The following KIAA1217 variants were observed in gnomAD, a reference collection of about 807,000 sequenced individuals.
The protein encoded by KIAA1217 is sickle tail protein homolog.
Under a neutral mutation model 163.9 loss-of-function variants are expected in KIAA1217, and 88 were observed. The observed-to-expected ratio is 0.54, with a 90% CI of 0.45 to 0.64. The LOEUF (loss-of-function observed/expected upper bound fraction) is 0.64, where lower values mean the gene tolerates loss of function less well. Among genes scored for constraint, KIAA1217 ranks in the 30% least tolerant of loss-of-function variants. The pLI, the probability that KIAA1217 is intolerant of heterozygous loss-of-function variation, is 0.00. For missense variants in KIAA1217, 2,372 were observed against 2,475.0 expected (o/e 0.96, Z 0.88); for synonymous variants, 903 against 923.1 (o/e 0.98, Z 0.39).
At chr10:23,917,725 C>T (rs1413182120) in intron 1 of KIAA1217, among the ~76,000 whole-genome samples, 1 of 152,200 alleles carries the variant, frequency 6.6e-6, no homozygotes, top group East Asian at 1.9e-4. Flanking sequence ...ACAGCTGTCG[C>T]TGACAAATGG....
intron 1 of KIAA1217, among the ~76,000 whole-genome samples, chr10:23,869,519 C>G (rs1161734329): frequency 6.6e-6 from 1 of 152,012 alleles, no homozygotes; most frequent in African/African-American, 2.4e-5. Context: ...GACTTCTAAA[C>G]TGCATTATTT....
intron 5 of KIAA1217, among the ~76,000 whole-genome samples, chr10:24,464,765 G>A (rs573920334): frequency 9.2e-5 from 14 of 152,224 alleles, no homozygotes; most frequent in South Asian, 4.1e-4. Context: ...GATTACAGGC[G>A]TGAGCCACAT....
chr10:24,498,212 C>T (rs1054250177), intron 8 of KIAA1217, among the ~76,000 whole-genome samples: 4 of 151,936 alleles, frequency 2.6e-5, no homozygotes, highest in Non-Finnish European at 5.9e-5. Context: ...GAGAAGTGGA[C>T]CCAGGGACAC....
chr10:23,712,676 A>G (rs1837337046), intron 1 of KIAA1217, among the ~76,000 whole-genome samples: 1 of 152,038 alleles, frequency 6.6e-6, no homozygotes, highest in African/African-American at 2.4e-5. Context: ...TTTTCTTTTC[A>G]TAGAGCCTTT....
At chr10:24,545,384 AGTGTTTC>A in intron 20 of KIAA1217, 1 of 1,345,514 alleles carries the variant, frequency 7.4e-7, no homozygotes, top group Non-Finnish European at 9.5e-7. Context: ...TGGTGAATGT[AGTGTTTC>A]ATCTGAACAC....
chr10:24,413,375 T>C (rs1399143278), intron 3 of KIAA1217, among the ~76,000 whole-genome samples: 3 of 152,176 alleles, frequency 2.0e-5, no homozygotes, highest in Admixed American at 2.0e-4. Context: ...TTTCACCATA[T>C]TGGTCAGGCT....
intron 2 of KIAA1217, among the ~76,000 whole-genome samples, chr10:24,371,697 GT>G (rs1215636173): frequency 1.3e-5 from 2 of 152,108 alleles, no homozygotes; most frequent in Non-Finnish European, 2.9e-5. Context: ...CTAATGACAA[GT>G]TCTTAAACCT....
intron 2 of KIAA1217, among the ~76,000 whole-genome samples, chr10:24,076,453 T>C (rs1239511662): frequency 6.6e-6 from 1 of 152,222 alleles, no homozygotes; most frequent in Non-Finnish European, 1.5e-5. Flanking sequence ...AGCATAGCTA[T>C]CTAATCCTTT....
At chr10:23,830,869 T>A (rs1218126465) in intron 1 of KIAA1217, among the ~76,000 whole-genome samples, 1 of 151,508 alleles carries the variant, frequency 6.6e-6, no homozygotes, top group East Asian at 1.9e-4. Flanking sequence ...TATACCTGCT[T>A]AATGACCAGA....
At chr10:23,863,435 C>G (rs1056720190) in intron 1 of KIAA1217, among the ~76,000 whole-genome samples, 3 of 152,072 alleles carry the variant, frequency 2.0e-5, no homozygotes, top group African/African-American at 7.2e-5. Flanking sequence ...GAGATTAAGA[C>G]CCTTTCAAAA....
At chr10:24,361,257 G>A (rs1221068118) in intron 2 of KIAA1217, among the ~76,000 whole-genome samples, 1 of 152,010 alleles carries the variant, frequency 6.6e-6, no homozygotes, top group Non-Finnish European at 1.5e-5. Flanking sequence ...CGCAATCACA[G>A]GTCACTGAAG....
At chr10:24,523,882 G>A (rs752013555) in intron 12 of KIAA1217, among the ~76,000 whole-genome samples, 5 of 152,274 alleles carry the variant, frequency 3.3e-5, no homozygotes, top group Admixed American at 6.5e-5. Context: ...TGTACCTTGT[G>A]GCAAGACTTC....
chr10:24,045,334 T>C (rs1360600388), intron 2 of KIAA1217, among the ~76,000 whole-genome samples: 4 of 152,040 alleles, frequency 2.6e-5, no homozygotes, highest in Non-Finnish European at 5.9e-5. Flanking sequence ...GTATAGGTGT[T>C]TTATTCATTC....
chr10:24,524,796 A>T (rs765457006), intron 13 of KIAA1217, 32 bp downstream of exon 13: 4 of 1,525,092 alleles, frequency 2.6e-6, no homozygotes, highest in Non-Finnish European at 3.6e-6. Flanking sequence ...TCATAACCCC[A>T]TAAAGGAGTC....
chr10:24,194,554 C>T (rs1293600898), intron 2 of KIAA1217, among the ~76,000 whole-genome samples: 1 of 151,176 alleles, frequency 6.6e-6, no homozygotes, highest in Non-Finnish European at 1.5e-5. Flanking sequence ...TTGTCCTTAG[C>T]ACAGGCAGCC....
Position 24,319,375 on chromosome 10 carries a change from CAAAAAAAAAAAAAA to C in KIAA1217, c.355-61477_355-61464del, listed in dbSNP as rs34410717. 3.9e-4 allele frequency among the ~76,000 whole-genome samples: 18 copies of C among 45,834 alleles called. 1 individual carries two copies. The East Asian group carries it at 8.5e-3, about 22-fold the overall frequency. The allele number at this position is 45,834 out of a possible 152,430, so 30.1% of individuals were successfully genotyped here. A position where few individuals can be genotyped will look rare whatever the true frequency, so the allele number is the denominator to read the frequency against. ...TGGGTGACAGAGCGAGACGTTGTCT[CAAAAAAAAAAAAAA>C]AAAAAAAAAAAAAAAAGGCAGGGGA... On this transcript the variant is annotated intron_variant, in intron 2 of 20. Coordinates refer to ENST00000376454, the MANE Select transcript of KIAA1217 (RefSeq NM_019590.5).
chr10:24,066,301 T>C (rs2060943429), intron 2 of KIAA1217, among the ~76,000 whole-genome samples: 2 of 152,194 alleles, frequency 1.3e-5, no homozygotes, highest in African/African-American at 4.8e-5. Context: ...TTTCCATGTT[T>C]AGTGCTTCCT....
At chr10:23,719,255 T>G (rs893011404) in intron 1 of KIAA1217, among the ~76,000 whole-genome samples, 3 of 152,144 alleles carry the variant, frequency 2.0e-5, no homozygotes, top group Non-Finnish European at 4.4e-5. Flanking sequence ...TGCTACAGTA[T>G]GATGAAGCCC....
chr10:23,871,918 G>A (rs1447089704), intron 1 of KIAA1217, among the ~76,000 whole-genome samples: 1 of 151,992 alleles, frequency 6.6e-6, no homozygotes, highest in Non-Finnish European at 1.5e-5. Context: ...CCAGGACCAG[G>A]GATTAATGCC....
Sources: gnomAD v4.1 joint callset for allele counts (sites outside exome capture counted in the v4.1 genomes callset) on GRCh38, gnomAD v4.1.1 for gene constraint, MANE v1.5 for transcripts, NCBI Gene and HGNC (gene_info 2026-07-23, HGNC 2026-07-21) for gene names.